The following RCSD1 variants were observed in gnomAD, a reference collection of about 807,000 sequenced individuals.
The protein encoded by RCSD1 is capZ-interacting protein.
Under a neutral mutation model 42.5 loss-of-function variants are expected in RCSD1, and 26 were observed. That is an observed-to-expected ratio of 0.61 (90% CI 0.45 to 0.85). The LOEUF (loss-of-function observed/expected upper bound fraction) is 0.85. Among genes scored for constraint, RCSD1 ranks in the 40% least tolerant of loss-of-function variants. RCSD1 has a pLI of 0.00. For missense variants in RCSD1, 571 were observed against 528.3 expected, an observed-to-expected ratio of 1.08 and a Z score of -0.79; for synonymous variants, 220 against 212.2, an observed-to-expected ratio of 1.04 and a Z score of -0.32.
intron 3 of RCSD1, among the ~76,000 whole-genome samples, chr1:167,686,598 G>C (rs1404685086): frequency 6.6e-6 from 1 of 152,146 alleles, no homozygotes; most frequent in Admixed American, 6.5e-5. Flanking sequence ...ACTGACCAAG[G>C]GTCTTATTCT....
chr1:167,667,494 G>T (rs1413004658), intron 1 of RCSD1, among the ~76,000 whole-genome samples: 1 of 152,190 alleles, frequency 6.6e-6, no homozygotes, highest in Non-Finnish European at 1.5e-5. Flanking sequence ...TCTAGATAAA[G>T]AAACAAATTT....
intron 1 of RCSD1, among the ~76,000 whole-genome samples, chr1:167,659,363 A>G (rs1198269304): frequency 6.6e-6 from 1 of 152,134 alleles, no homozygotes; most frequent in East Asian, 1.9e-4. Context: ...TAGTATTTCT[A>G]TATGTAAATA....
At chr1:167,664,837 C>T (rs963319873) in intron 1 of RCSD1, 3 of 152,186 alleles carry the variant, frequency 2.0e-5, no homozygotes, top group African/African-American at 7.2e-5. Flanking sequence ...GTCAAGAGTT[C>T]AAGACCAGCC....
intron 1 of RCSD1, among the ~76,000 whole-genome samples, chr1:167,683,409 T>C (rs76370159): frequency 0.014 from 2,069 of 152,306 alleles, 51 homozygotes; most frequent in African/African-American, 0.047. Flanking sequence ...TGCTATCTGC[T>C]CTCGTGTCAC....
intron 1 of RCSD1, among the ~76,000 whole-genome samples, chr1:167,644,158 A>G (rs898162926): frequency 6.6e-6 from 1 of 152,168 alleles, no homozygotes; most frequent in African/African-American, 2.4e-5. Flanking sequence ...AACCTGCAAG[A>G]AAAAGGGAGT....
intron 1 of RCSD1, among the ~76,000 whole-genome samples, chr1:167,669,500 G>T (rs1326435266): frequency 2.0e-5 from 3 of 152,146 alleles, no homozygotes; most frequent in South Asian, 2.1e-4. Context: ...GGCCTCTTTT[G>T]GTCTCCAGCA....
intron 6 of RCSD1, among the ~76,000 whole-genome samples, chr1:167,700,681 A>C (rs1315713563): frequency 1.3e-5 from 2 of 152,096 alleles, no homozygotes; most frequent in African/African-American, 4.8e-5. Flanking sequence ...ACAACAACAA[A>C]AAAACTTTCC....
At chr1:167,690,466 G>T (rs143739405) in intron 4 of RCSD1, among the ~76,000 whole-genome samples, 267 of 152,222 alleles carry the variant, frequency 1.8e-3, no homozygotes, top group African/African-American at 6.3e-3. Context: ...GTGAGCCCAG[G>T]AGTTCAAGAC....
At chr1:167,644,601 A>G (rs1658088302) in intron 1 of RCSD1, among the ~76,000 whole-genome samples, 3 of 152,216 alleles carry the variant, frequency 2.0e-5, no homozygotes, top group Admixed American at 2.0e-4. Flanking sequence ...ACCCAGGTAG[A>G]TCAATGAAAC....
In RCSD1 at chr1:167,688,443, T is replaced by A. The variant is rs1006086634; in HGVS notation, c.199-1606T>A. Among the ~76,000 whole-genome samples, 4 of 152,062 alleles carry A rather than the reference T, an allele frequency of 2.6e-5. No individual in the cohort carries two copies. In the East Asian group the frequency reaches 7.7e-4, roughly 29 times the overall value. On this transcript the variant is annotated intron_variant, in intron 3 of 6. Transcript: ENST00000367854. ...GGAAGCTCTTTATACTCATCCTAGA[T>A]AAAAAGCTCCTTGAAAGACTGCTAT...
intron 6 of RCSD1, among the ~76,000 whole-genome samples, chr1:167,699,874 C>T (rs115428540): frequency 6.6e-6 from 1 of 152,222 alleles, no homozygotes; most frequent in Non-Finnish European, 1.5e-5. Flanking sequence ...CGGCTCAGAG[C>T]TCAGCTCAGA....
chr1:167,700,229 C>T (rs2101724167), intron 6 of RCSD1, among the ~76,000 whole-genome samples: 1 of 152,262 alleles, frequency 6.6e-6, no homozygotes, highest in South Asian at 2.1e-4. Flanking sequence ...TCTCCTGGGG[C>T]CCTCACGTTA....
intron 1 of RCSD1, among the ~76,000 whole-genome samples, chr1:167,667,828 G>GC (rs1212672990): frequency 6.6e-6 from 1 of 152,124 alleles, no homozygotes; most frequent in Non-Finnish European, 1.5e-5. Context: ...TCACAATGTT[G>GC]CCCCAGTGGT....
At chr1:167,674,779 A>G (rs873716) in intron 1 of RCSD1, among the ~76,000 whole-genome samples, 8,533 of 152,314 alleles carry the variant, frequency 0.056, 456 homozygotes, top group African/African-American at 0.15. Context: ...TTCAAGGTTT[A>G]TCACATTTAC....
intron 3 of RCSD1, among the ~76,000 whole-genome samples, chr1:167,686,971 G>C (rs1156276581): frequency 6.6e-6 from 1 of 152,184 alleles, no homozygotes; most frequent in African/African-American, 2.4e-5. Context: ...GGCTGGCTAG[G>C]GAAGTTTTAT....
intron 4 of RCSD1, among the ~76,000 whole-genome samples, chr1:167,693,148 C>G (rs1483727481): frequency 6.6e-6 from 1 of 152,238 alleles, no homozygotes; most frequent in Non-Finnish European, 1.5e-5. Flanking sequence ...GCCCCTCACA[C>G]TCCATCCCTT....
chr1:167,685,627 G>A, intron 3 of RCSD1, 117 bp downstream of exon 3: 1 of 752,826 alleles, frequency 1.3e-6, no homozygotes. Context: ...CTCTGTGCAG[G>A]GAATTTCTCC....
At chr1:167,693,457 G>T (rs1659425812) in intron 4 of RCSD1, among the ~76,000 whole-genome samples, 2 of 152,168 alleles carry the variant, frequency 1.3e-5, no homozygotes, top group Non-Finnish European at 2.9e-5. Flanking sequence ...TACCCCAAGT[G>T]GTGGCTCATA....
At chr1:167,661,880 G>A (rs1658549803) in intron 1 of RCSD1, among the ~76,000 whole-genome samples, 1 of 152,192 alleles carries the variant, frequency 6.6e-6, no homozygotes, top group African/African-American at 2.4e-5. Context: ...TTCTTGGGCT[G>A]AGGGGCCATT....
Sources: allele counts gnomAD v4.1 joint callset (sites outside exome capture counted in the v4.1 genomes callset), GRCh38; gene constraint gnomAD v4.1.1; transcripts MANE v1.5; gene names NCBI Gene and HGNC (gene_info 2026-07-23, HGNC 2026-07-21).